The following CEP112 variants were observed in gnomAD, a reference collection of about 807,000 sequenced individuals.
The protein encoded by CEP112 is centrosomal protein of 112 kDa.
A neutral mutation model predicts 153.0 loss-of-function variants in CEP112; 127 were observed. That is an observed-to-expected ratio of 0.83 (90% CI 0.72 to 0.96). The LOEUF (loss-of-function observed/expected upper bound fraction) is 0.96, where lower values mean the gene tolerates loss of function less well. CEP112 is among the 40% of genes least tolerant of loss of function. The pLI is 0.00. For missense variants in CEP112, 1,089 were observed against 1,101.2 expected (o/e 0.99, Z 0.16); for synonymous variants, 358 against 374.4 (o/e 0.96, Z 0.51).
At chr17:66,137,123 C>T (rs1427010023) in intron 4 of CEP112, among the ~76,000 whole-genome samples, 1 of 151,966 alleles carries the variant, frequency 6.6e-6, no homozygotes. Context: ...TATGCATAAA[C>T]AAAATGAGTA....
chr17:65,836,502 T>G (rs1405927248), intron 21 of CEP112, among the ~76,000 whole-genome samples: 2 of 152,176 alleles, frequency 1.3e-5, no homozygotes, highest in Non-Finnish European at 2.9e-5. Context: ...ACACTTATAT[T>G]AGTTTATGTT....
At chr17:65,802,986 C>G (rs2055370145) in intron 21 of CEP112, among the ~76,000 whole-genome samples, 1 of 152,230 alleles carries the variant, frequency 6.6e-6, no homozygotes, top group African/African-American at 2.4e-5. Flanking sequence ...CACTTGAAAT[C>G]TAAGGCTAAG....
chr17:65,870,356 G>C (rs1401647325), intron 20 of CEP112, among the ~76,000 whole-genome samples: 1 of 152,072 alleles, frequency 6.6e-6, no homozygotes, highest in Non-Finnish European at 1.5e-5. Flanking sequence ...ATAACAATCT[G>C]CTCCTAGGTT....
At chr17:65,979,887 A>G (rs2063167434) in intron 17 of CEP112, among the ~76,000 whole-genome samples, 1 of 152,194 alleles carries the variant, frequency 6.6e-6, no homozygotes, top group Admixed American at 6.5e-5. Context: ...CTGGTAAAAA[A>G]TAGTTTGAAA....
intron 21 of CEP112, among the ~76,000 whole-genome samples, chr17:65,837,475 A>G (rs2057357676): frequency 6.7e-6 from 1 of 149,858 alleles, no homozygotes; most frequent in South Asian, 2.1e-4. Flanking sequence ...GGAACTGAGG[A>G]GTGTCTCTGC....
chr17:65,917,921 A>T (rs984047431), intron 19 of CEP112, among the ~76,000 whole-genome samples: 1 of 152,144 alleles, frequency 6.6e-6, no homozygotes, highest in Non-Finnish European at 1.5e-5. Context: ...TCACGCCTGT[A>T]ATCCTAGCAC....
intron 21 of CEP112, among the ~76,000 whole-genome samples, chr17:65,805,485 T>C (rs1339733289): frequency 6.6e-6 from 1 of 152,200 alleles, no homozygotes; most frequent in Non-Finnish European, 1.5e-5. Flanking sequence ...GAATCTTTTA[T>C]GTGGTATCAA....
chr17:65,958,860 G>A (rs767828396), intron 18 of CEP112, among the ~76,000 whole-genome samples: 2 of 152,050 alleles, frequency 1.3e-5, no homozygotes, highest in Non-Finnish European at 2.9e-5. Flanking sequence ...GCCTTTTCTG[G>A]GCCTCCCCAT....
intron 12 of CEP112, among the ~76,000 whole-genome samples, chr17:66,034,273 A>G (rs1850327476): frequency 6.6e-6 from 1 of 152,214 alleles, no homozygotes; most frequent in South Asian, 2.1e-4. Flanking sequence ...AATAACAAAC[A>G]TCTGTCCAAT....
chr17:65,941,206 T>C, intron 18 of CEP112, among the ~76,000 whole-genome samples: 1 of 152,202 alleles, frequency 6.6e-6, no homozygotes, highest in East Asian at 1.9e-4. Flanking sequence ...TTTGTTTCTT[T>C]TACTTTGGGC....
At chr17:66,052,124 C>T (rs572984143) in intron 12 of CEP112, among the ~76,000 whole-genome samples, 1 of 152,278 alleles carries the variant, frequency 6.6e-6, no homozygotes, top group East Asian at 1.9e-4. Context: ...TGGTCCCCAG[C>T]TTACAATGGC....
intron 18 of CEP112, among the ~76,000 whole-genome samples, chr17:65,937,578 G>T (rs1599075399): frequency 7.0e-5 from 5 of 71,622 alleles, no homozygotes; most frequent in African/African-American, 1.9e-4. Flanking sequence ...GGGGGGGTCA[G>T]CCCCCCACCC....
intron 21 of CEP112, among the ~76,000 whole-genome samples, chr17:65,781,547 C>T (rs1288478320): frequency 6.6e-6 from 1 of 151,608 alleles, no homozygotes; most frequent in Non-Finnish European, 1.5e-5. Context: ...AATAACCAAA[C>T]CAATCCTAAG....
intron 6 of CEP112, among the ~76,000 whole-genome samples, chr17:66,120,057 A>T (rs926595612): frequency 6.6e-6 from 1 of 152,224 alleles, no homozygotes; most frequent in Non-Finnish European, 1.5e-5. Flanking sequence ...TATCTCCCTA[A>T]GATGAAACTG....
chr17:65,967,369 A>C (rs1402769496), intron 17 of CEP112, among the ~76,000 whole-genome samples: 1 of 152,234 alleles, frequency 6.6e-6, no homozygotes, highest in Non-Finnish European at 1.5e-5. Context: ...TTCTGGCATC[A>C]ACTTTGTAGC....
chr17:65,790,524 C>T (rs2054529624), intron 21 of CEP112, among the ~76,000 whole-genome samples: 1 of 152,152 alleles, frequency 6.6e-6, no homozygotes, highest in African/African-American at 2.4e-5. Flanking sequence ...GCCCAGCTGG[C>T]TTCAGTGACT....
At chr17:66,023,941 C>T (rs1300777758) in intron 16 of CEP112, among the ~76,000 whole-genome samples, 2 of 152,074 alleles carry the variant, frequency 1.3e-5, no homozygotes, top group African/African-American at 4.8e-5. Context: ...GAAATCAAGT[C>T]CAACAGCACA....
chr17:65,777,160 G>A (rs536916360), intron 21 of CEP112, among the ~76,000 whole-genome samples: 10 of 152,178 alleles, frequency 6.6e-5, no homozygotes, highest in South Asian at 2.1e-4. Flanking sequence ...GAGGCGCCAT[G>A]TAGGTGAACT....
At chr17:66,080,337 CA>C (rs1268579189) in intron 8 of CEP112, among the ~76,000 whole-genome samples, 1 of 152,100 alleles carries the variant, frequency 6.6e-6, no homozygotes, top group Non-Finnish European at 1.5e-5. Flanking sequence ...ACAACCCCAT[CA>C]AAAAGTGGGT....
Sources: allele counts gnomAD v4.1 joint callset (sites outside exome capture counted in the v4.1 genomes callset), GRCh38; gene constraint gnomAD v4.1.1; transcripts MANE v1.5; gene names NCBI Gene and HGNC (gene_info 2026-07-23, HGNC 2026-07-21).